ACOX1: variants seen among roughly 807,000 people sequenced by gnomAD.
The protein encoded by ACOX1 is acyl-CoA oxidase 1, also known as peroxisomal acyl-coenzyme A oxidase 1.
In ACOX1, 41 loss-of-function variants were observed where a neutral mutation model predicts 75.5. The observed-to-expected ratio is 0.54, with a 90% CI of 0.42 to 0.70. ACOX1 has a LOEUF of 0.70. Ranked by LOEUF, ACOX1 falls within the 30% of genes least tolerant of loss-of-function variation. The pLI, the probability that ACOX1 is intolerant of heterozygous loss-of-function variation, is 0.00. For missense variants in ACOX1, 630 were observed against 837.5 expected, an observed-to-expected ratio of 0.75 and a Z score of 3.06; for synonymous variants, 303 against 298.8, an observed-to-expected ratio of 1.01 and a Z score of -0.15.
rs149821857 is a variant in ACOX1, at chr17:75,947,396, C to T, written c.1936-601G>A. On this transcript the variant is annotated intron_variant, in intron 13 of 13. Transcript: ENST00000293217. ...CCAAGTAGCTGGGATTACAGGCATG[C>T]GCCACCACGCCTGGCTAATTTTGTA... is the stretch of plus-strand genomic sequence containing the variant. Among the ~76,000 whole-genome samples, 25 of 151,940 alleles carry T rather than the reference C, an allele frequency of 1.6e-4. No homozygotes were observed. In the East Asian group the frequency reaches 4.3e-3, roughly 26 times the overall value.
chr17:75,945,410 G>A lies in ACOX1; in HGVS notation c.*1338C>T, dbSNP rs1371247034. The A allele has an allele frequency of 6.6e-6, 1 of 151,986 alleles. No homozygotes were observed. The highest frequency in any genetic ancestry group is 1.5e-5 in the Non-Finnish European group (1 of 68,008). 9.4% of individuals were successfully genotyped at this position (151,986 alleles called of 1,614,324 possible). ...GTAGCATTTCTGCTGTAACCTATAA[G>A]TCTCATATTACCAGTTCCCCAGGAT... On this transcript the variant is annotated 3_prime_UTR_variant, in exon 14 of 14. Transcript: ENST00000293217.
intron 6 of ACOX1, among the ~76,000 whole-genome samples, chr17:75,954,862 G>A (rs980889119): frequency 2.0e-5 from 3 of 150,816 alleles, no homozygotes; most frequent in Non-Finnish European, 3.0e-5. Flanking sequence ...GAGCCACCGC[G>A]CCCAGCCTTA....
intron 2 of ACOX1, among the ~76,000 whole-genome samples, chr17:75,972,972 C>T (rs1265451174): frequency 6.6e-6 from 1 of 152,160 alleles, no homozygotes; most frequent in African/African-American, 2.4e-5. Flanking sequence ...AACACTCAAA[C>T]CTGCCAATGG....
intron 6 of ACOX1, 82 bp downstream of exon 6, chr17:75,955,483 CA>C: frequency 8.7e-7 from 1 of 1,152,860 alleles, no homozygotes; most frequent in Non-Finnish European, 1.3e-6. Context: ...TCTAAAAGAA[CA>C]GACCATTCTA....
At chr17:75,954,229 A>C (rs1441935608) in intron 6 of ACOX1, among the ~76,000 whole-genome samples, 1 of 149,372 alleles carries the variant, frequency 6.7e-6, no homozygotes, top group African/African-American at 2.5e-5. Context: ...AAAAAAAAAA[A>C]ACCAAAAAAT....
chr17:75,958,618 T>C (rs150521678), intron 3 of ACOX1, among the ~76,000 whole-genome samples: 7,560 of 151,106 alleles, frequency 0.05, 301 homozygotes, highest in African/African-American at 0.11. Context: ...ACCATCCTGG[T>C]TAACACGGCG....
At chr17:75,957,608 A>G (rs1324955812) in intron 3 of ACOX1, 42 bp from the exon 4 acceptor site, 4 of 1,492,636 alleles carry the variant, frequency 2.7e-6, no homozygotes, top group Non-Finnish European at 3.7e-6. Context: ...AGAGATGGGG[A>G]AAAAAATAGG....
rs531039654 is a variant in ACOX1, at chr17:75,952,419, C to A, written c.945-842G>T. On this transcript the variant is annotated intron_variant, in intron 7 of 13. Coordinates refer to ENST00000293217, the MANE Select transcript of ACOX1 (RefSeq NM_004035.7). ...AAGTGATTCTCCTGCCTCAGTCTCC[C>A]GAGTAGCTGGAATTACAGGCACCCG... Among the ~76,000 whole-genome samples, 11 of 151,738 alleles carry A rather than the reference C, an allele frequency of 7.2e-5. 1 individual carries two copies. The South Asian group carries it at 2.3e-3, about 32-fold the overall frequency.
At chr17:75,975,050 CAAAAAAAAAAAAAAAA>C (rs1022347068) in intron 2 of ACOX1, among the ~76,000 whole-genome samples, 1 of 40,272 alleles carries the variant, frequency 2.5e-5, no homozygotes, top group Admixed American at 2.9e-4. Flanking sequence ...ACTCTGTCTC[CAAAAAAAAAAAAAAAA>C]AAAAAAAGAA....
intron 6 of ACOX1, among the ~76,000 whole-genome samples, chr17:75,954,119 G>A (rs1430951422): frequency 2.0e-5 from 3 of 151,584 alleles, no homozygotes; most frequent in Admixed American, 6.6e-5. Flanking sequence ...CAGGAGCTGA[G>A]ACAGGAGAAT....
rs1598169560 is a variant in ACOX1, at chr17:75,944,405, A to G, written c.*2343T>C. ...CTGGACTTGCCACTTCCTTTAAGGT[A>G]CAGCCAACAAATGTGTACCAAGTAC... On this transcript the variant is annotated 3_prime_UTR_variant, in exon 14 of 14. Coordinates refer to ENST00000293217, the MANE Select transcript of ACOX1 (RefSeq NM_004035.7). The G allele has an allele frequency of 6.6e-6, 1 of 152,224 alleles. No homozygotes were observed. Among genetic ancestry groups the G allele is most frequent in the African/African-American group, 2.4e-5 (1 of 41,458 alleles). The allele number at this position is 152,224 out of a possible 1,614,324, so 9.4% of individuals were successfully genotyped here. A position where few individuals can be genotyped will look rare whatever the true frequency, so the allele number is the denominator to read the frequency against.
At position 75,945,886 on chromosome 17, in the gene ACOX1, T is replaced by A. The variant is rs1462824899; in HGVS notation, c.*862A>T. 2 of 152,432 alleles carry A rather than the reference T, an allele frequency of 1.3e-5. No individual in the cohort carries two copies. Among genetic ancestry groups the A allele is most frequent in the East Asian group, 3.9e-4 (2 of 5,186 alleles). The allele number at this position is 152,432 out of a possible 1,614,324, so 9.4% of individuals were successfully genotyped here. On this transcript the variant is annotated 3_prime_UTR_variant, in exon 14 of 14. Transcript: ENST00000293217. ...TTTTCTGTGCTACGTCTGGGAGTGC[T>A]GACCTAAGTGACATTTTTTTTTAAT...
At chr17:75,951,632 T>C (rs1262365037) in intron 7 of ACOX1, 55 bp from the exon 8 acceptor site, 21 of 1,575,302 alleles carry the variant, frequency 1.3e-5, no homozygotes, top group Non-Finnish European at 1.8e-5. Flanking sequence ...TACAGAACTT[T>C]CTATATGCCA....
chr17:75,951,372 G>A (rs376134866), intron 8 of ACOX1, 43 bp downstream of exon 8: 72 of 1,612,232 alleles, frequency 4.5e-5, no homozygotes, highest in Non-Finnish European at 5.4e-5. Flanking sequence ...AGGCAACCAC[G>A]AAACAGAAGG....
intron 2 of ACOX1, among the ~76,000 whole-genome samples, chr17:75,972,088 C>G (rs1283938614): frequency 6.6e-6 from 1 of 152,196 alleles, no homozygotes; most frequent in East Asian, 1.9e-4. Flanking sequence ...CTTGTAATCC[C>G]AGGACTTTGG....
chr17:75,950,678 A>C lies in ACOX1; in HGVS notation c.1298+96T>G, dbSNP rs1041892295. On this transcript the variant is annotated intron_variant, in intron 9 of 13. Transcript: ENST00000293217. The surrounding 1 kb of genome is among the most constrained non-coding windows in gnomAD (Gnocchi z 4.3). ...GTATACCTTTCAGGAACAAATATAT[A>C]TATACGGTGAAGAAAAACCATGGGA... The C allele has an allele frequency of 1.5e-6, 2 of 1,336,934 alleles. No homozygotes were observed. The highest frequency in any genetic ancestry group is 2.1e-6 in the Non-Finnish European group (2 of 936,716). The allele number at this position is 1,336,934 out of a possible 1,614,324, so 82.8% of individuals were successfully genotyped here.
Position 75,979,161 on chromosome 17 carries a change from G to C in ACOX1, c.-88C>G. On this transcript the variant is annotated 5_prime_UTR_variant, in exon 1 of 14. Transcript: ENST00000293217. ...CAGCTCCAGCGCCGGCCGGACCCTA[G>C]GAGGCAGCCTCAGGACGGCGCAAGT... 3 of 1,538,742 alleles carry C rather than the reference G, an allele frequency of 1.9e-6. No individual in the cohort carries two copies. Among genetic ancestry groups the C allele is most frequent in the Non-Finnish European group, 2.6e-6 (3 of 1,141,162 alleles).
At chr17:75,953,717 A>G in intron 6 of ACOX1, 97 bp from the exon 7 acceptor site, 1 of 1,401,738 alleles carries the variant, frequency 7.1e-7, no homozygotes, top group East Asian at 2.3e-5. Flanking sequence ...CAGCATCAGC[A>G]TCACCTGGCA....
intron 12 of ACOX1, among the ~76,000 whole-genome samples, 165 bp downstream of exon 12, chr17:75,949,052 G>T (rs1395160762): frequency 6.6e-6 from 1 of 151,012 alleles, no homozygotes; most frequent in Non-Finnish European, 1.5e-5. Flanking sequence ...TAGAGACAGG[G>T]TTTCACCAGG....
Sources: allele counts gnomAD v4.1 joint callset (sites outside exome capture counted in the v4.1 genomes callset), GRCh38; gene constraint gnomAD v4.1.1; non-coding constraint Gnocchi (gnomAD v3.1); transcripts MANE v1.5; gene names NCBI Gene and HGNC (gene_info 2026-07-23, HGNC 2026-07-21).